Variants in PTPRN2 observed in about 807,000 individuals in gnomAD.
The protein encoded by PTPRN2 is receptor-type tyrosine-protein phosphatase N2.
A neutral mutation model predicts 118.8 loss-of-function variants in PTPRN2; 74 were observed. That is an observed-to-expected ratio of 0.62 (90% CI 0.52 to 0.76). PTPRN2 has a LOEUF of 0.76. Among genes scored for constraint, PTPRN2 ranks in the 30% least tolerant of loss-of-function variants. PTPRN2 has a pLI of 0.00. For missense variants in PTPRN2, 1,481 were observed against 1,394.4 expected, an observed-to-expected ratio of 1.06 and a Z score of -0.99; for synonymous variants, 641 against 608.0, an observed-to-expected ratio of 1.05 and a Z score of -0.80.
chr7:157,978,943 G>A (rs1336828173), intron 11 of PTPRN2, among the ~76,000 whole-genome samples: 1 of 151,998 alleles, frequency 6.6e-6, no homozygotes, highest in South Asian at 2.1e-4. Flanking sequence ...TCTTGTCTAC[G>A]ACACCTGCCC....
At chr7:157,883,466 C>G (rs984925370) in intron 12 of PTPRN2, among the ~76,000 whole-genome samples, 1 of 151,098 alleles carries the variant, frequency 6.6e-6, no homozygotes, top group Non-Finnish European at 1.5e-5. Context: ...CGGAATGCAC[C>G]ACCCCAAAAA....
At chr7:158,035,336 T>G (rs1202791736) in intron 11 of PTPRN2, among the ~76,000 whole-genome samples, 2 of 152,020 alleles carry the variant, frequency 1.3e-5, no homozygotes, top group Non-Finnish European at 2.9e-5. Context: ...ATACTGTAAA[T>G]AAAAAGGGAC....
rs1401165288 is a variant in PTPRN2, at chr7:157,729,207, C to T, written c.1789-46270G>A. Among the ~76,000 whole-genome samples the T allele has an allele frequency of 6.6e-6, 1 of 152,060 alleles. No individual in the cohort carries two copies. The highest frequency in any genetic ancestry group is 1.5e-5 in the Non-Finnish European group (1 of 68,016). On this transcript the variant is annotated intron_variant, in intron 12 of 22. Coordinates refer to ENST00000389418, the MANE Select transcript of PTPRN2 (RefSeq NM_002847.5). This position sits in a 1 kb window ranked among gnomAD's most constrained non-coding sequence, Gnocchi z 4.3. ...AGAGTATTTCATTTTCTGCATCTGC[C>T]CATCTTTGAATCTTCATGTATTTTT...
chr7:158,074,441 C>T (rs1812192418), intron 11 of PTPRN2, among the ~76,000 whole-genome samples: 1 of 152,220 alleles, frequency 6.6e-6, no homozygotes, highest in Non-Finnish European at 1.5e-5. Context: ...GAATCCCACG[C>T]ACTTCAAAAC....
At chr7:157,803,337 G>T (rs957336039) in intron 12 of PTPRN2, among the ~76,000 whole-genome samples, 1 of 152,178 alleles carries the variant, frequency 6.6e-6, no homozygotes, top group African/African-American at 2.4e-5. Flanking sequence ...GTGACCAGTA[G>T]GGGATGCAGA....
intron 3 of PTPRN2, among the ~76,000 whole-genome samples, chr7:158,313,041 C>T (rs1214187088): frequency 6.6e-6 from 1 of 151,234 alleles, no homozygotes; most frequent in East Asian, 2.0e-4. Flanking sequence ...CACATGAGCA[C>T]GTGAATGTGT....
chr7:157,915,876 C>T (rs964668231), intron 11 of PTPRN2, among the ~76,000 whole-genome samples: 1 of 151,972 alleles, frequency 6.6e-6, no homozygotes, highest in Non-Finnish European at 1.5e-5. Context: ...AGGGTGAGTC[C>T]CAATATTTGT....
intron 2 of PTPRN2, among the ~76,000 whole-genome samples, chr7:158,412,922 GCCCATC>G (rs1814295417): frequency 8.2e-6 from 1 of 121,650 alleles, no homozygotes; most frequent in Non-Finnish European, 1.7e-5. Context: ...CAACACCAGG[GCCCATC>G]CAGCGCCCTC....
At chr7:158,105,088 C>G (rs557492130) in intron 10 of PTPRN2, among the ~76,000 whole-genome samples, 1 of 151,866 alleles carries the variant, frequency 6.6e-6, no homozygotes, top group African/African-American at 2.4e-5. Context: ...CAGCTCCATC[C>G]TCAGCTCCTT....
At chr7:157,623,642 A>C (rs1803395259) in intron 14 of PTPRN2, among the ~76,000 whole-genome samples, 1 of 152,206 alleles carries the variant, frequency 6.6e-6, no homozygotes, top group Non-Finnish European at 1.5e-5. Context: ...TGAATTTCTA[A>C]ATTTATGGCA....
At chr7:158,123,585 A>C (rs1817358283) in intron 9 of PTPRN2, among the ~76,000 whole-genome samples, 1 of 152,066 alleles carries the variant, frequency 6.6e-6, no homozygotes, top group African/African-American at 2.4e-5. Flanking sequence ...CACCCAGGCC[A>C]ACGACCCTGG....
intron 1 of PTPRN2, among the ~76,000 whole-genome samples, chr7:158,535,534 G>A (rs1825596835): frequency 6.6e-6 from 1 of 152,116 alleles, no homozygotes; most frequent in African/African-American, 2.4e-5. Flanking sequence ...TCAACTGCCT[G>A]TTAGAGCACC....
At chr7:157,984,721 C>T (rs1017178998) in intron 11 of PTPRN2, among the ~76,000 whole-genome samples, 6 of 152,128 alleles carry the variant, frequency 3.9e-5, no homozygotes, top group Admixed American at 3.9e-4. Flanking sequence ...TCCCTGACTC[C>T]AGCTCTCCCC....
Position 157,613,135 on chromosome 7 carries a change from G to GC in PTPRN2, c.2344+8226dup, listed in dbSNP as rs1408558981. Among the ~76,000 whole-genome samples the GC allele has an allele frequency of 4.6e-5, 7 of 152,220 alleles. No homozygotes were observed. The South Asian group carries it at 1.2e-3, about 27-fold the overall frequency. On this transcript the variant is annotated intron_variant, in intron 15 of 22. Transcript: ENST00000389418. ...CAGGCCCGGCCCCGTCTCCAGTCCC[G>GC]CCTCCCGCCTCAGCCGCAGAACCTC...
chr7:158,349,969 G>A (rs530651189), intron 2 of PTPRN2, among the ~76,000 whole-genome samples: 66 of 152,236 alleles, frequency 4.3e-4, no homozygotes, highest in Admixed American at 2.2e-3. Context: ...TAGCGCTCAC[G>A]TGTTCCCCTT....
intron 4 of PTPRN2, among the ~76,000 whole-genome samples, chr7:158,203,868 C>A (rs2150741816): frequency 6.6e-6 from 1 of 152,378 alleles, no homozygotes; most frequent in East Asian, 1.9e-4. Flanking sequence ...ACTATAACAG[C>A]ACATTCTCTT....
rs1297022975 is a variant in PTPRN2 at position 158,526,811 on chromosome 7, C to T, written c.113-37026G>A. 6.6e-6 allele frequency among the ~76,000 whole-genome samples: 1 copy of T among 152,062 alleles called. No individual in the cohort carries two copies. The highest frequency in any genetic ancestry group is 1.9e-4 in the East Asian group (1 of 5,172). ...CCAAGGGGAGAGGCCTCTGGGGGAA[C>T]CTGCCCTGCCGTGCTCTCATCTTGG... On this transcript the variant is annotated intron_variant, in intron 1 of 22. Coordinates refer to ENST00000389418, the MANE Select transcript of PTPRN2 (RefSeq NM_002847.5). This position sits in a 1 kb window ranked among gnomAD's most constrained non-coding sequence, Gnocchi z 5.2.
intron 2 of PTPRN2, among the ~76,000 whole-genome samples, chr7:158,479,182 C>T (rs1820480920): frequency 6.6e-6 from 1 of 152,000 alleles, no homozygotes; most frequent in Admixed American, 6.6e-5. Context: ...TTCCAATTTC[C>T]TCACCCTAAG....
intron 11 of PTPRN2, among the ~76,000 whole-genome samples, chr7:158,080,342 C>T (rs1442716246): frequency 3.6e-5 from 2 of 55,346 alleles, no homozygotes; most frequent in Non-Finnish European, 3.6e-5. Context: ...AAAAAAAAAA[C>T]AAGTTCATAG....
Sources: gnomAD v4.1 joint callset for allele counts (sites outside exome capture counted in the v4.1 genomes callset) on GRCh38, gnomAD v4.1.1 for gene constraint, Gnocchi (gnomAD v3.1) non-coding constraint, MANE v1.5 for transcripts, NCBI Gene and HGNC (gene_info 2026-07-23, HGNC 2026-07-21) for gene names.